The following NRG1 variants were observed in gnomAD, a reference collection of about 807,000 sequenced individuals.
NRG1 encodes pro-neuregulin-1, membrane-bound isoform.
In NRG1, 18 loss-of-function variants were observed where a neutral mutation model predicts 63.8. The observed-to-expected ratio is 0.28, with a 90% CI of 0.19 to 0.42. The LOEUF is 0.42. Among genes scored for constraint, NRG1 ranks in the 10% least tolerant of loss-of-function variants. The probability of loss-of-function intolerance (pLI) is 1.00; values close to 1 mark genes in which losing one functional copy is unlikely to be tolerated. For synonymous variants in NRG1, 302 were observed against 301.3 expected (o/e 1.00, Z -0.02); for missense variants, 762 against 814.7 (o/e 0.94, Z 0.79).
intron 5 of NRG1, among the ~76,000 whole-genome samples, chr8:32,695,040 C>T (rs946874631): frequency 1.3e-5 from 2 of 152,034 alleles, no homozygotes; most frequent in African/African-American, 2.4e-5. Context: ...CTAAAATATA[C>T]CAGCAAAGTT....
intron 1 of NRG1, among the ~76,000 whole-genome samples, chr8:31,685,756 A>G (rs1808819961): frequency 6.6e-6 from 1 of 152,122 alleles, no homozygotes; most frequent in South Asian, 2.1e-4. Context: ...GGAATCATAT[A>G]TGAAGTGGCC....
At chr8:32,291,423 A>G (rs533142697) in intron 1 of NRG1, among the ~76,000 whole-genome samples, 1 of 152,280 alleles carries the variant, frequency 6.6e-6, no homozygotes, top group Admixed American at 6.5e-5. Flanking sequence ...GAGTGTTTGT[A>G]AAGCAGTTGG....
At chr8:31,699,602 G>C (rs1422504685) in intron 1 of NRG1, among the ~76,000 whole-genome samples, 1 of 152,120 alleles carries the variant, frequency 6.6e-6, no homozygotes, top group Non-Finnish European at 1.5e-5. Flanking sequence ...TTCTTTCTGA[G>C]AAGAGGCTCC....
intron 1 of NRG1, among the ~76,000 whole-genome samples, chr8:32,337,579 C>T (rs1274592249): frequency 7.1e-6 from 1 of 140,504 alleles, no homozygotes; most frequent in Admixed American, 7.6e-5. Flanking sequence ...TTGATTCATT[C>T]TATCCCTTCC....
At chr8:32,342,566 A>G (rs1779341150) in intron 1 of NRG1, among the ~76,000 whole-genome samples, 1 of 152,214 alleles carries the variant, frequency 6.6e-6, no homozygotes, top group African/African-American at 2.4e-5. Flanking sequence ...CAAGCAGTCT[A>G]GATTCTTAAT....
intron 11 of NRG1, chr8:32,763,427 AG>A: frequency 6.6e-7 from 1 of 1,523,186 alleles, no homozygotes; most frequent in Non-Finnish European, 8.9e-7. Context: ...ATAAGCTGAG[AG>A]GTTTCCAGGA....
intron 1 of NRG1, among the ~76,000 whole-genome samples, chr8:32,328,451 AT>A (rs1802271630): frequency 6.6e-6 from 1 of 151,348 alleles, no homozygotes; most frequent in African/African-American, 2.4e-5. Context: ...TTCTGGGAAA[AT>A]AGAATGTTGC....
At chr8:31,721,267 A>G (rs1266957639) in intron 1 of NRG1, among the ~76,000 whole-genome samples, 1 of 152,174 alleles carries the variant, frequency 6.6e-6, no homozygotes, top group Non-Finnish European at 1.5e-5. Flanking sequence ...CCCAAACATT[A>G]GATCTAGGCT....
At chr8:32,060,324 A>G (rs987341456) in intron 1 of NRG1, among the ~76,000 whole-genome samples, 1 of 151,648 alleles carries the variant, frequency 6.6e-6, no homozygotes, top group Non-Finnish European at 1.5e-5. Context: ...CTTTATCCTT[A>G]GTGAGAACTG....
intron 5 of NRG1, among the ~76,000 whole-genome samples, chr8:32,634,586 C>T (rs376399447): frequency 1.9e-4 from 29 of 152,246 alleles, no homozygotes; most frequent in East Asian, 1.2e-3. Context: ...CTAAACTGAT[C>T]GGAGAAATAA....
At chr8:32,425,634 T>G (rs1183444846) in intron 1 of NRG1, among the ~76,000 whole-genome samples, 1 of 152,198 alleles carries the variant, frequency 6.6e-6, no homozygotes, top group African/African-American at 2.4e-5. Flanking sequence ...CTAGAGCCCA[T>G]ATTGCCCACA....
At chr8:32,137,573 G>T (rs548315347) in intron 1 of NRG1, among the ~76,000 whole-genome samples, 2 of 152,250 alleles carry the variant, frequency 1.3e-5, no homozygotes, top group South Asian at 2.1e-4. Context: ...GTCAAGTGTC[G>T]TGAGATTCCA....
At chr8:32,245,674 T>G (rs1023570077) in intron 1 of NRG1, among the ~76,000 whole-genome samples, 11 of 152,196 alleles carry the variant, frequency 7.2e-5, no homozygotes, top group African/African-American at 1.9e-4. Flanking sequence ...AAGATTATTC[T>G]TGATCACAAA....
chr8:31,919,696 A>C (rs1479177203), intron 1 of NRG1, among the ~76,000 whole-genome samples: 4 of 152,230 alleles, frequency 2.6e-5, no homozygotes, highest in Non-Finnish European at 5.9e-5. Flanking sequence ...GAACATTTTC[A>C]TGGAACAATG....
intron 1 of NRG1, among the ~76,000 whole-genome samples, chr8:32,356,703 A>G (rs544104245): frequency 6.6e-6 from 1 of 152,292 alleles, no homozygotes; most frequent in South Asian, 2.1e-4. Context: ...GTGGTGGTTG[A>G]CCATCATGGA....
chr8:32,149,740 C>A (rs962209631), intron 1 of NRG1, among the ~76,000 whole-genome samples: 1 of 152,040 alleles, frequency 6.6e-6, no homozygotes, highest in Non-Finnish European at 1.5e-5. Flanking sequence ...TATCTCTGCC[C>A]AGAAATAAAT....
At chr8:32,393,826 C>T (rs571114824) in intron 1 of NRG1, among the ~76,000 whole-genome samples, 1 of 152,018 alleles carries the variant, frequency 6.6e-6, no homozygotes, top group Non-Finnish European at 1.5e-5. Flanking sequence ...TACAACAAAC[C>T]CCCATGGCAC....
chr8:32,467,109 T>C (rs1319788477), intron 1 of NRG1, among the ~76,000 whole-genome samples: 1 of 152,092 alleles, frequency 6.6e-6, no homozygotes, highest in Non-Finnish European at 1.5e-5. Context: ...TTTTCAGATA[T>C]AGAATTTGCA....
intron 1 of NRG1, among the ~76,000 whole-genome samples, chr8:31,766,949 G>T (rs892542174): frequency 6.6e-6 from 1 of 152,156 alleles, no homozygotes; most frequent in African/African-American, 2.4e-5. Context: ...AACATTCCGT[G>T]AAGCATTTCT....
Sources: gnomAD v4.1 joint callset for allele counts (sites outside exome capture counted in the v4.1 genomes callset) on GRCh38, gnomAD v4.1.1 for gene constraint, MANE v1.5 for transcripts, NCBI Gene and HGNC (gene_info 2026-07-23, HGNC 2026-07-21) for gene names.